The following CUX1 variants were observed in gnomAD, a reference collection of about 807,000 sequenced individuals.
The protein encoded by CUX1 is cut like homeobox 1, also known as protein CASP.
In CUX1, 31 loss-of-function variants were observed where a neutral mutation model predicts 158.8. That is an observed-to-expected ratio of 0.20 (90% CI 0.15 to 0.26). The LOEUF is 0.26. Among genes scored for constraint, CUX1 ranks in the 10% least tolerant of loss-of-function variants. The probability of loss-of-function intolerance (pLI) is 1.00; values close to 1 mark genes in which losing one functional copy is unlikely to be tolerated. For synonymous variants in CUX1, 879 were observed against 862.1 expected (o/e 1.02, Z -0.34); for missense variants, 1,589 against 2,014.6 (o/e 0.79, Z 4.04).
At chr7:101,984,133 C>T (rs1164576341) in intron 2 of CUX1, among the ~76,000 whole-genome samples, 731 of 53,704 alleles carry the variant, frequency 0.014, 41 homozygotes, top group African/African-American at 0.049. Flanking sequence ...TATATATACA[C>T]ACACACATAT....
chr7:101,849,316 C>T (rs536072918), intron 1 of CUX1, among the ~76,000 whole-genome samples: 149 of 150,700 alleles, frequency 9.9e-4, no homozygotes, highest in African/African-American at 3.4e-3. Flanking sequence ...TTCTCCTGAT[C>T]CTCTCCCTCT....
chr7:101,846,556 T>C lies in CUX1; in HGVS notation c.30+28887T>C, dbSNP rs527243996. On this transcript the variant is annotated intron_variant, in intron 1 of 23. Coordinates refer to ENST00000292535, the MANE Select transcript of CUX1 (RefSeq NM_181552.4). ...TTGTTCAGGCTGGTCTTGAACTCTT[T>C]GGCCTCAGCGATTCTCCCACCTCAG... Among the ~76,000 whole-genome samples, 6 of 152,246 alleles carry C rather than the reference T, an allele frequency of 3.9e-5. No individual in the cohort carries two copies. In the South Asian group the frequency reaches 1.2e-3, roughly 32 times the overall value.
chr7:102,264,060 C>T (rs1790622791), intron 14 of CUX1, among the ~76,000 whole-genome samples: 1 of 140,558 alleles, frequency 7.1e-6, no homozygotes, highest in Non-Finnish European at 1.5e-5. Context: ...GGCTAGAGTG[C>T]AGTGGCGTGA....
rs1239519322 is a variant in CUX1, at chr7:102,168,918, C to CTTTTTTTTTTTTT, written c.724-1524_724-1523insTTTTTTTTTTTTT. ...CTTTTCTTTTCTTTTCTTTTATTTT[C>CTTTTTTTTTTTTT]TTTTCTTTTCTTTTATTTTCTTTTT... On this transcript the variant is annotated intron_variant, in intron 9 of 23. Transcript: ENST00000292535. Among the ~76,000 whole-genome samples, 21 of 84,136 alleles carry CTTTTTTTTTTTTT rather than the reference C, an allele frequency of 2.5e-4. 1 individual carries two copies. Among genetic ancestry groups the CTTTTTTTTTTTTT allele is most frequent in the Admixed American group, 3.5e-4 (3 of 8,538 alleles). 55.2% of individuals were successfully genotyped at this position (84,136 alleles called of 152,430 possible).
intron 20 of CUX1, among the ~76,000 whole-genome samples, chr7:102,213,277 G>C (rs1014188243): frequency 2.0e-5 from 3 of 152,232 alleles, no homozygotes; most frequent in African/African-American, 7.2e-5. Flanking sequence ...CCTTTCCAAA[G>C]TCTCGACTTC....
At chr7:102,124,913 C>G (rs1554494654) in intron 8 of CUX1, among the ~76,000 whole-genome samples, 2 of 151,874 alleles carry the variant, frequency 1.3e-5, no homozygotes, top group African/African-American at 4.8e-5. Context: ...TCCCAAGTAT[C>G]TGGGAGTACA....
At chr7:102,171,949 G>A (rs566549993) in intron 10 of CUX1, among the ~76,000 whole-genome samples, 1 of 152,342 alleles carries the variant, frequency 6.6e-6, no homozygotes, top group South Asian at 2.1e-4. Context: ...GCTAGGGCTT[G>A]TAGTGGACAC....
intron 12 of CUX1, among the ~76,000 whole-genome samples, chr7:102,192,762 C>G (rs1202251458): frequency 1.3e-5 from 2 of 152,214 alleles, no homozygotes; most frequent in African/African-American, 4.8e-5. Context: ...TCTCACGGTC[C>G]AGCCAGCCTG....
chr7:102,085,240 T>C (rs1292375834), intron 4 of CUX1, among the ~76,000 whole-genome samples: 1 of 152,240 alleles, frequency 6.6e-6, no homozygotes, highest in Non-Finnish European at 1.5e-5. Context: ...ATGCATAATA[T>C]GCATTTTATA....
chr7:102,216,792 TCTCCCACACACACCCCCACACACAC>T, intron 20 of CUX1, among the ~76,000 whole-genome samples: 1 of 31,158 alleles, frequency 3.2e-5, no homozygotes, highest in Non-Finnish European at 8.1e-5. Context: ...ACACACACAC[TCTCCCACACACACCCCCACACACAC>T]TCTCCCACCA....
At chr7:102,073,172 T>TTTTTTTTTG (rs1826337223) in intron 4 of CUX1, among the ~76,000 whole-genome samples, 1 of 75,762 alleles carries the variant, frequency 1.3e-5, no homozygotes, top group Non-Finnish European at 2.6e-5. Flanking sequence ...TTTCTTTTTT[T>TTTTTTTTTG]TTTTTTTTTT....
chr7:101,959,993 T>A (rs1276937701), intron 2 of CUX1: 1 of 152,244 alleles, frequency 6.6e-6, no homozygotes, highest in Non-Finnish European at 1.5e-5. Flanking sequence ...ATGCCTCACA[T>A]TGGCACGGTT....
chr7:101,987,697 C>T (rs1814512631), intron 2 of CUX1, among the ~76,000 whole-genome samples: 1 of 152,166 alleles, frequency 6.6e-6, no homozygotes, highest in Admixed American at 6.6e-5. Context: ...GCGCAGGGCA[C>T]GTGCCTGAGG....
chr7:102,257,227 G>C lies in CUX1; in HGVS notation c.*8185G>C. Reference sequence around the variant, plus strand: ...CATATCATCACCTCCCCTTCTCCAAGATTGCCGGGGGCCCTGATTTTGTTC... The same window carrying C: ...CATATCATCACCTCCCCTTCTCCAACATTGCCGGGGGCCCTGATTTTGTTC... On this transcript the variant is annotated 3_prime_UTR_variant, in exon 24 of 24. Coordinates refer to ENST00000292535, the MANE Select transcript of CUX1 (RefSeq NM_181552.4). 1 of 985,282 alleles carries C rather than the reference G, an allele frequency of 1.0e-6. No individual in the cohort carries two copies. Among genetic ancestry groups the C allele is most frequent in the East Asian group, 1.1e-4 (1 of 8,820 alleles). 61.0% of individuals were successfully genotyped at this position (985,282 alleles called of 1,614,324 possible). A position where few individuals can be genotyped will look rare whatever the true frequency, so the allele number is the denominator to read the frequency against.
chr7:101,985,823 G>A (rs1814233245), intron 2 of CUX1, among the ~76,000 whole-genome samples: 1 of 152,338 alleles, frequency 6.6e-6, no homozygotes, highest in African/African-American at 2.4e-5. Flanking sequence ...GATGTGGTGT[G>A]ATTCTTGACG....
intron 3 of CUX1, among the ~76,000 whole-genome samples, chr7:102,060,608 A>AACACACACAC (rs58786987): frequency 0.16 from 20,663 of 132,944 alleles, 1,754 homozygotes; most frequent in East Asian, 0.26. Context: ...CACACAAATA[A>AACACACACAC]ACACACACAC....
At chr7:102,133,344 A>T (rs1434009005) in intron 8 of CUX1, among the ~76,000 whole-genome samples, 1 of 151,452 alleles carries the variant, frequency 6.6e-6, no homozygotes, top group African/African-American at 2.4e-5. Context: ...GCCTGCTCCT[A>T]TGCCCACACT....
chr7:102,263,358 G>A (rs1430203887), intron 14 of CUX1, among the ~76,000 whole-genome samples: 1 of 121,132 alleles, frequency 8.3e-6, no homozygotes, highest in Admixed American at 1.1e-4. Flanking sequence ...CTGTTGCCCA[G>A]GCTAGAGTGC....
chr7:102,121,095 G>A (rs1044159428), intron 8 of CUX1, among the ~76,000 whole-genome samples: 2 of 152,144 alleles, frequency 1.3e-5, no homozygotes, highest in Non-Finnish European at 2.9e-5. Context: ...TAAAAGGAGG[G>A]GAGGAGGATA....
Sources: allele counts gnomAD v4.1 joint callset (sites outside exome capture counted in the v4.1 genomes callset), GRCh38; gene constraint gnomAD v4.1.1; transcripts MANE v1.5; gene names NCBI Gene and HGNC (gene_info 2026-07-23, HGNC 2026-07-21).